Variants in VTI1B observed in about 807,000 individuals in gnomAD.
VTI1B encodes the protein vesicle transport through interaction with t-SNAREs homolog 1B.
Under a neutral mutation model 28.6 loss-of-function variants are expected in VTI1B, and 18 were observed. The ratio of observed to expected loss-of-function variants is 0.63; its 90% confidence interval spans 0.43 to 0.93. The LOEUF (loss-of-function observed/expected upper bound fraction) is 0.93, where lower values mean the gene tolerates loss of function less well. VTI1B is among the 40% of genes least tolerant of loss of function. The pLI is 0.00. For missense variants in VTI1B, 283 were observed against 297.0 expected (o/e 0.95, Z 0.35); for synonymous variants, 100 against 107.9 (o/e 0.93, Z 0.46).
chr14:67,674,580 T>A lies in VTI1B; in HGVS notation c.-91A>T. ...GGTCAGCCGCCCAGCCCAGTGGCCA[T>A]AACGGCGACCGCCGCACCACCGCCG... On this transcript the variant is annotated 5_prime_UTR_variant, in exon 1 of 6. It removes an upstream start codon present in the reference 5' UTR. Transcript: ENST00000554659. The A allele has an allele frequency of 5.5e-6, 6 of 1,098,566 alleles. No individual in the cohort carries two copies. Among genetic ancestry groups the A allele is most frequent in the Non-Finnish European group, 2.4e-6 (2 of 821,784 alleles). 68.1% of individuals were successfully genotyped at this position (1,098,566 alleles called of 1,614,324 possible). A position where few individuals can be genotyped will look rare whatever the true frequency, so the allele number is the denominator to read the frequency against.
At chr14:67,670,918 C>T (rs996120509) in intron 1 of VTI1B, among the ~76,000 whole-genome samples, 1 of 152,024 alleles carries the variant, frequency 6.6e-6, no homozygotes, top group African/African-American at 2.4e-5. Context: ...TGAAAAATGA[C>T]TGAATTCAAT....
In VTI1B at chr14:67,650,203, C is replaced by T. The variant is rs904877064; in HGVS notation, c.*1182G>A. On this transcript the variant is annotated 3_prime_UTR_variant, in exon 6 of 6. Transcript: ENST00000554659. ...GTGAGAATGAAGTTTGCAGTAATAA[C>T]TACATTTCAGGGCATATGGTGTGGT... 1 of 164,966 alleles carries T rather than the reference C, an allele frequency of 6.1e-6. No homozygotes were observed. Among genetic ancestry groups the T allele is most frequent in the African/African-American group, 2.4e-5 (1 of 41,686 alleles). 10.2% of individuals were successfully genotyped at this position (164,966 alleles called of 1,614,324 possible). A position where few individuals can be genotyped will look rare whatever the true frequency, so the allele number is the denominator to read the frequency against.
At chr14:67,651,681 T>G in intron 5 of VTI1B, 200 bp from the exon 6 acceptor site, 1 of 449,208 alleles carries the variant, frequency 2.2e-6, no homozygotes, top group Non-Finnish European at 3.9e-6. Flanking sequence ...AATGTTAAAC[T>G]GAGACAATAA....
chr14:67,655,869 C>A (rs77329512), intron 4 of VTI1B, among the ~76,000 whole-genome samples: 1 of 152,074 alleles, frequency 6.6e-6, no homozygotes, highest in East Asian at 1.9e-4. Context: ...TTTCCCCTCA[C>A]TGAAGCAAAA....
Position 67,648,189 on chromosome 14 carries a change from T to C in VTI1B, c.*3196A>G. 6.2e-7 allele frequency: 1 copy of C among 1,611,562 alleles called. No individual in the cohort carries two copies. The highest frequency in any genetic ancestry group is 8.5e-7 in the Non-Finnish European group (1 of 1,178,416). Reference sequence around the variant, plus strand: ...TGAGGAAATACACAATACAGGTATGTAGCAACCAGGTCTGCAGCCTGTTAA... The same window carrying C: ...TGAGGAAATACACAATACAGGTATGCAGCAACCAGGTCTGCAGCCTGTTAA... On this transcript the variant is annotated 3_prime_UTR_variant, in exon 6 of 6. Coordinates refer to ENST00000554659, the MANE Select transcript of VTI1B (RefSeq NM_006370.3).
chr14:67,672,232 C>G (rs915359391), intron 1 of VTI1B, among the ~76,000 whole-genome samples: 1 of 151,766 alleles, frequency 6.6e-6, no homozygotes, highest in Non-Finnish European at 1.5e-5. Flanking sequence ...GATCCTCCCA[C>G]CTCAGCCTCC....
At chr14:67,657,777 C>G in intron 3 of VTI1B, among the ~76,000 whole-genome samples, 1 of 96,374 alleles carries the variant, frequency 1.0e-5, no homozygotes, top group African/African-American at 3.9e-5. Flanking sequence ...TTGAGACAGT[C>G]TCGCTCTGTC....
At chr14:67,661,531 T>TTTTA (rs1470861232) in intron 2 of VTI1B, among the ~76,000 whole-genome samples, 2 of 108,754 alleles carry the variant, frequency 1.8e-5, no homozygotes, top group East Asian at 6.7e-4. Context: ...ACAGTAACCT[T>TTTTA]TTTTTTTTTT....
intron 2 of VTI1B, among the ~76,000 whole-genome samples, chr14:67,662,038 C>T (rs1259903560): frequency 1.3e-5 from 2 of 152,042 alleles, no homozygotes; most frequent in Non-Finnish European, 2.9e-5. Context: ...CACCTGTATT[C>T]CCAGCTACTT....
At chr14:67,662,919 A>AG in intron 1 of VTI1B, 1 of 1,279,988 alleles carries the variant, frequency 7.8e-7, no homozygotes. Flanking sequence ...AAAAAAAAAA[A>AG]AAGAATGTTT....
At chr14:67,661,278 C>CAAA (rs1208811725) in intron 2 of VTI1B, among the ~76,000 whole-genome samples, 625 of 55,972 alleles carry the variant, frequency 0.011, 8 homozygotes, top group East Asian at 0.018. Flanking sequence ...AGGGCTAGAG[C>CAAA]AAAAAAAAAA....
Position 67,651,245 on chromosome 14 carries a change from C to T in VTI1B, c.*140G>A. The T allele has an allele frequency of 1.3e-6, 2 of 1,508,470 alleles. No homozygotes were observed. Among genetic ancestry groups the T allele is most frequent in the Non-Finnish European group, 1.8e-6 (2 of 1,129,838 alleles). 93.4% of individuals were successfully genotyped at this position (1,508,470 alleles called of 1,614,324 possible). A position where few individuals can be genotyped will look rare whatever the true frequency, so the allele number is the denominator to read the frequency against. ...ATTTAAGTGGTTTTTCATCTTTCCT[C>T]CCTCCTCCCACAGCCTGGCTATACA... On this transcript the variant is annotated 3_prime_UTR_variant, in exon 6 of 6. Coordinates refer to ENST00000554659, the MANE Select transcript of VTI1B (RefSeq NM_006370.3).
intron 1 of VTI1B, among the ~76,000 whole-genome samples, chr14:67,665,086 T>C (rs542998638): frequency 1.2e-4 from 19 of 152,264 alleles, no homozygotes; most frequent in South Asian, 8.3e-4. Context: ...AGGCTGGCCT[T>C]GTGTGGTCCA....
Position 67,674,620 on chromosome 14 carries a change from C to G in VTI1B, c.-131G>C. On this transcript the variant is annotated 5_prime_UTR_variant, in exon 1 of 6. Transcript: ENST00000554659. ...CACCACCGCCGCCCAGGACGAGGCT[C>G]TTCCGGAGCCGCGGCAGGGTCCTCT... 1 of 647,138 alleles carries G rather than the reference C, an allele frequency of 1.5e-6. No homozygotes were observed. The highest frequency in any genetic ancestry group is 2.4e-6 in the Non-Finnish European group (1 of 419,864). 40.1% of individuals were successfully genotyped at this position (647,138 alleles called of 1,614,324 possible).
chr14:67,656,626 C>A, intron 3 of VTI1B, 37 bp from the exon 4 acceptor site: 2 of 1,569,214 alleles, frequency 1.3e-6, no homozygotes, highest in Admixed American at 1.8e-5. Flanking sequence ...TAGACTTTTT[C>A]CATTATAAAT....
At chr14:67,668,319 G>C (rs1343831522) in intron 1 of VTI1B, among the ~76,000 whole-genome samples, 1 of 152,104 alleles carries the variant, frequency 6.6e-6, no homozygotes, top group African/African-American at 2.4e-5. Flanking sequence ...AGAAATTATG[G>C]CCATAGGTAT....
Position 67,648,344 on chromosome 14 carries a change from T to A in VTI1B, c.*3041A>T. The A allele has an allele frequency of 1.4e-6, 1 of 737,938 alleles. No individual in the cohort carries two copies. The highest frequency in any genetic ancestry group is 2.1e-6 in the Non-Finnish European group (1 of 479,732). 45.7% of individuals were successfully genotyped at this position (737,938 alleles called of 1,614,324 possible). ...TATATGGCCATGCTAATAAAAAGGA[T>A]ATAGTCCTTTAGAGTCATGCTTGGA... On this transcript the variant is annotated 3_prime_UTR_variant, in exon 6 of 6. Coordinates refer to ENST00000554659, the MANE Select transcript of VTI1B (RefSeq NM_006370.3).
rs1193704455 is a variant in VTI1B, at chr14:67,651,044, T to C, written c.*341A>G. On this transcript the variant is annotated 3_prime_UTR_variant, in exon 6 of 6. Coordinates refer to ENST00000554659, the MANE Select transcript of VTI1B (RefSeq NM_006370.3). ...CCTTAATGAGAACATTTACACATTC[T>C]CACAATTGTAAAGTTTCCCCTCTAT... is the stretch of plus-strand genomic sequence containing the variant. The C allele has an allele frequency of 8.0e-6, 9 of 1,123,180 alleles. No individual in the cohort carries two copies. The East Asian group carries it at 1.0e-4, about 13-fold the overall frequency. 69.6% of individuals were successfully genotyped at this position (1,123,180 alleles called of 1,614,324 possible). A position where few individuals can be genotyped will look rare whatever the true frequency, so the allele number is the denominator to read the frequency against.
chr14:67,665,619 T>C (rs541835647), intron 1 of VTI1B, among the ~76,000 whole-genome samples: 4 of 152,276 alleles, frequency 2.6e-5, no homozygotes, highest in African/African-American at 9.6e-5. Context: ...GTATATTCTA[T>C]AATCTCAACT....
Sources: gnomAD v4.1 joint callset for allele counts (sites outside exome capture counted in the v4.1 genomes callset) on GRCh38, gnomAD v4.1.1 for gene constraint, MANE v1.5 for transcripts, NCBI Gene and HGNC (gene_info 2026-07-23, HGNC 2026-07-21) for gene names.